SEMA3E: variants seen among roughly 807,000 people sequenced by gnomAD.
SEMA3E encodes the protein semaphorin 3E.
A neutral mutation model predicts 93.6 loss-of-function variants in SEMA3E; 49 were observed. The observed-to-expected ratio is 0.52, with a 90% CI of 0.42 to 0.66. The LOEUF (loss-of-function observed/expected upper bound fraction) is 0.66. SEMA3E is among the 30% of genes least tolerant of loss of function. The pLI is 0.00. For synonymous variants in SEMA3E, 363 were observed against 330.7 expected, an observed-to-expected ratio of 1.10 and a Z score of -1.06; for missense variants, 906 against 964.8, an observed-to-expected ratio of 0.94 and a Z score of 0.81.
At chr7:83,391,596 TATCA>T (rs1192322902) in intron 14 of SEMA3E, among the ~76,000 whole-genome samples, 4 of 94,882 alleles carry the variant, frequency 4.2e-5, no homozygotes, top group Non-Finnish European at 1.1e-4. Flanking sequence ...CCACTTATTA[TATCA>T]TTTTTTTAAA....
chr7:83,565,995 C>CTTTTTTTTTT lies in SEMA3E; in HGVS notation c.116-75731_116-75722dup, dbSNP rs750248438. Among the ~76,000 whole-genome samples the CTTTTTTTTTT allele has an allele frequency of 2.6e-4, 29 of 112,738 alleles. 1 individual carries two copies. Among genetic ancestry groups the CTTTTTTTTTT allele is most frequent in the Non-Finnish European group, 3.6e-4 (21 of 58,026 alleles). 74.0% of individuals were successfully genotyped at this position (112,738 alleles called of 152,430 possible). On this transcript the variant is annotated intron_variant, in intron 1 of 16. Transcript: ENST00000643230. ...TTCCTTACTTACCAATGTTTCCACT[C>CTTTTTTTTTT]TTTTTTTTTTTTTTTTTTTGAGATG...
chr7:83,545,246 G>T (rs559798123), intron 1 of SEMA3E, among the ~76,000 whole-genome samples: 1 of 151,954 alleles, frequency 6.6e-6, no homozygotes, highest in East Asian at 1.9e-4. Context: ...CTAGAACTAT[G>T]TTCATTTGCT....
chr7:83,553,265 A>G (rs191874600), intron 1 of SEMA3E, among the ~76,000 whole-genome samples: 1 of 152,102 alleles, frequency 6.6e-6, no homozygotes, highest in South Asian at 2.1e-4. Flanking sequence ...CCAATACTGC[A>G]TAGTCTCTTT....
intron 1 of SEMA3E, among the ~76,000 whole-genome samples, chr7:83,562,554 T>G (rs215274): frequency 0.57 from 86,448 of 151,146 alleles, 26,450 homozygotes; most frequent in African/African-American, 0.8. Context: ...CGCTATCTTC[T>G]AAAGTAATAT....
chr7:83,425,518 G>T (rs965898582), intron 4 of SEMA3E, among the ~76,000 whole-genome samples: 1 of 152,100 alleles, frequency 6.6e-6, no homozygotes, highest in African/African-American at 2.4e-5. Context: ...TCTGAATTGT[G>T]AATTTTTTCT....
At chr7:83,512,411 G>T (rs561458248) in intron 1 of SEMA3E, among the ~76,000 whole-genome samples, 1 of 152,310 alleles carries the variant, frequency 6.6e-6, no homozygotes, top group South Asian at 2.1e-4. Flanking sequence ...TCACAAAATA[G>T]AGAACTCTTG....
At chr7:83,454,278 T>C (rs201965385) in intron 4 of SEMA3E, among the ~76,000 whole-genome samples, 12,360 of 102,684 alleles carry the variant, frequency 0.12, 962 homozygotes, top group Middle Eastern at 0.17. Context: ...AAAAAATATA[T>C]ATATATATAT....
chr7:83,441,346 G>C (rs1229704087), intron 4 of SEMA3E, among the ~76,000 whole-genome samples: 6 of 152,118 alleles, frequency 3.9e-5, no homozygotes, highest in Non-Finnish European at 8.8e-5. Flanking sequence ...AATGTGATTT[G>C]CCAATTTGTA....
chr7:83,573,918 T>G lies in SEMA3E; in HGVS notation c.115+74510A>C, dbSNP rs140206074. ...ATAATTTTTTAAAGCTCTAATTAAT[T>G]TATTACTAGCTACTGAAAATCATTT... On this transcript the variant is annotated intron_variant, in intron 1 of 16. Transcript: ENST00000643230. Among the ~76,000 whole-genome samples the G allele has an allele frequency of 2.1e-3, 315 of 152,024 alleles. 1 individual carries two copies. Among genetic ancestry groups the G allele is most frequent in the African/African-American group, 7.2e-3 (301 of 41,552 alleles).
At chr7:83,400,839 C>A (rs1788222081) in intron 10 of SEMA3E, among the ~76,000 whole-genome samples, 1 of 152,032 alleles carries the variant, frequency 6.6e-6, no homozygotes, top group Non-Finnish European at 1.5e-5. Flanking sequence ...TGAAGGGAAA[C>A]AATCTATTGT....
chr7:83,632,091 G>T (rs1039364471), intron 1 of SEMA3E, among the ~76,000 whole-genome samples: 1 of 151,178 alleles, frequency 6.6e-6, no homozygotes, highest in Non-Finnish European at 1.5e-5. Context: ...GGAGGCAGAG[G>T]TTGCAGTGAG....
intron 4 of SEMA3E, among the ~76,000 whole-genome samples, chr7:83,454,961 T>G (rs1789451642): frequency 1.3e-5 from 2 of 152,230 alleles, no homozygotes; most frequent in South Asian, 2.1e-4. Context: ...GTGTAAAGTA[T>G]CTACATATTT....
At chr7:83,604,968 T>C (rs1479502813) in intron 1 of SEMA3E, among the ~76,000 whole-genome samples, 1 of 152,180 alleles carries the variant, frequency 6.6e-6, no homozygotes, top group Non-Finnish European at 1.5e-5. Context: ...ATGATCTCAT[T>C]CTTTTTGGCT....
chr7:83,371,889 G>A (rs891496428), intron 16 of SEMA3E: 1 of 166,148 alleles, frequency 6.0e-6, no homozygotes, highest in African/African-American at 2.4e-5. Flanking sequence ...GCCCCTAAAG[G>A]TATTTTGCTT....
intron 1 of SEMA3E, among the ~76,000 whole-genome samples, chr7:83,538,315 T>C (rs1791447411): frequency 6.6e-6 from 1 of 152,180 alleles, no homozygotes; most frequent in Non-Finnish European, 1.5e-5. Context: ...ACCAGCAGTG[T>C]ATGAGTTCTG....
At chr7:83,640,456 C>G (rs181334990) in intron 1 of SEMA3E, among the ~76,000 whole-genome samples, 46 of 152,304 alleles carry the variant, frequency 3.0e-4, no homozygotes, top group Non-Finnish European at 5.6e-4. Context: ...CCAATTGCCA[C>G]AATCCCATGT....
At chr7:83,443,192 C>T (rs1789154798) in intron 4 of SEMA3E, among the ~76,000 whole-genome samples, 1 of 152,154 alleles carries the variant, frequency 6.6e-6, no homozygotes, top group African/African-American at 2.4e-5. Context: ...TACCTTTGTA[C>T]AGGACCTTTC....
intron 16 of SEMA3E, among the ~76,000 whole-genome samples, chr7:83,370,637 G>A (rs1794737488): frequency 6.6e-6 from 1 of 151,830 alleles, no homozygotes. Context: ...CTTCTTTAAG[G>A]CTGATTAATT....
At chr7:83,555,959 A>G (rs1331739872) in intron 1 of SEMA3E, among the ~76,000 whole-genome samples, 1 of 152,152 alleles carries the variant, frequency 6.6e-6, no homozygotes, top group African/African-American at 2.4e-5. Context: ...TTCAAACTGT[A>G]TACTTTTTAA....
Sources: gnomAD v4.1 joint callset for allele counts (sites outside exome capture counted in the v4.1 genomes callset) on GRCh38, gnomAD v4.1.1 for gene constraint, MANE v1.5 for transcripts, NCBI Gene and HGNC (gene_info 2026-07-23, HGNC 2026-07-21) for gene names.